Variants in ANO7 observed in about 807,000 individuals in gnomAD.
ANO7 encodes the protein anoctamin-7.
ANO7 carries 114 observed loss-of-function variants against 115.8 expected under a neutral mutation model. The ratio of observed to expected loss-of-function variants is 0.98; its 90% confidence interval spans 0.85 to 1.15. The LOEUF (loss-of-function observed/expected upper bound fraction) is 1.15. ANO7 is among the 50% of genes most tolerant of loss of function. The pLI is 0.00. For synonymous variants in ANO7, 550 were observed against 498.2 expected (o/e 1.10, Z -1.38); for missense variants, 1,302 against 1,201.2 (o/e 1.08, Z -1.24).
At chr2:241,229,535 G>T, downstream of ANO7, 1 of 1,208,810 alleles carries the variant, frequency 8.3e-7, no homozygotes, top group Non-Finnish European at 1.2e-6. Flanking sequence ...GGGTCAGATT[G>T]AGACAAACCA....
At chr2:241,226,158 C>T (rs1198173043), downstream of ANO7, among the ~76,000 whole-genome samples, 1 of 151,958 alleles carries the variant, frequency 6.6e-6, no homozygotes, top group Non-Finnish European at 1.5e-5. Flanking sequence ...CCCTGATGCC[C>T]ACATGCGCCC....
intron 7 of ANO7, 91 bp downstream of exon 7, chr2:241,201,446 T>C: frequency 7.0e-7 from 1 of 1,421,080 alleles, no homozygotes; most frequent in Non-Finnish European, 9.6e-7. Flanking sequence ...CAGAAAGGCC[T>C]GCTTGAGACC....
intron 18 of ANO7, among the ~76,000 whole-genome samples, chr2:241,215,516 G>A (rs1230363513): frequency 1.3e-5 from 2 of 152,258 alleles, no homozygotes; most frequent in Non-Finnish European, 2.9e-5. Flanking sequence ...GGGCCACCAG[G>A]AATAGCAGTT....
intron 7 of ANO7, 103 bp from the exon 8 acceptor site, chr2:241,202,091 G>T: frequency 1.1e-6 from 1 of 911,862 alleles, no homozygotes. Context: ...AGAAGGCTGA[G>T]GGAGGCCGTC....
At chr2:241,212,418 C>T (rs550261389) in intron 16 of ANO7, among the ~76,000 whole-genome samples, 154 bp from the exon 17 acceptor site, 1 of 152,306 alleles carries the variant, frequency 6.6e-6, no homozygotes, top group South Asian at 2.1e-4. Context: ...CTCGGGGGTC[C>T]ACAGGAGGCC....
Position 241,223,913 on chromosome 2 carries a change from TGGAACGAAC to T in ANO7, c.2547_2555del (p.Asn850_Thr852del). The stretch of plus-strand genomic sequence containing the variant: ...CCCTTTTTTGGGGACAGGTTCTTTT[TGGAACGAAC>T]GGAACAAAGGATGAGCAGCCCGAGG... On this transcript the variant is annotated inframe_deletion, in exon 24 of 25. Coordinates refer to ENST00000674324, the MANE Select transcript of ANO7 (RefSeq NM_001370694.2). The T allele has an allele frequency of 6.2e-7, 1 of 1,613,956 alleles. No homozygotes were observed. Among genetic ancestry groups the T allele is most frequent in the Non-Finnish European group, 8.5e-7 (1 of 1,180,004 alleles).
intron 21 of ANO7, among the ~76,000 whole-genome samples, chr2:241,219,880 G>T (rs750009197): frequency 5.3e-5 from 8 of 151,966 alleles, no homozygotes; most frequent in Non-Finnish European, 1.2e-4. Flanking sequence ...GCTAGCACAC[G>T]TTCTAAACTA....
Position 241,212,159 on chromosome 2 carries a change from G to C in ANO7, c.1627G>C (p.Val543Leu). ...FTLKVFIFQF[V>L]NFYSSPVYIA... ...CCTCAAGGTGTTCATCTTCCAGTTC[G>C]TCAACTTCTACTCCTCACCCGTCTA... The change falls in exon 16 of 25, where the codon GTC (valine) becomes CTC (leucine). Residue 543 changes from valine to leucine, a missense_variant. By Grantham distance (32) the Val-to-Leu change is conservative. Transcript: ENST00000674324. 1 of 1,614,122 alleles carries C rather than the reference G, an allele frequency of 6.2e-7. No homozygotes were observed. The highest frequency in any genetic ancestry group is 8.5e-7 in the Non-Finnish European group (1 of 1,180,004).
chr2:241,223,221 C>G lies in ANO7; in HGVS notation c.2357C>G (p.Ser786Cys). ...RAFRDDDGHYSQTYWNLLAIR... is the reference protein window; with the variant it reads ...RAFRDDDGHYCQTYWNLLAIR... ...TTCCGGGATGACGATGGACATTATT[C>G]CCAGACCTACTGGAATCTTCTTGCC... is the stretch of plus-strand genomic sequence containing the variant. The change falls in exon 22 of 25, where the codon TCC (serine) becomes TGC (cysteine). Residue 786 changes from serine to cysteine, a missense_variant. Coordinates refer to ENST00000674324, the MANE Select transcript of ANO7 (RefSeq NM_001370694.2). 1 of 1,614,210 alleles carries G rather than the reference C, an allele frequency of 6.2e-7. No individual in the cohort carries two copies. Among genetic ancestry groups the G allele is most frequent in the Non-Finnish European group, 8.5e-7 (1 of 1,180,022 alleles).
chr2:241,218,832 G>A (rs2068936400), intron 21 of ANO7, among the ~76,000 whole-genome samples: 1 of 152,194 alleles, frequency 6.6e-6, no homozygotes, highest in Non-Finnish European at 1.5e-5. Flanking sequence ...CGTGAGGAAC[G>A]TGACTGTGGG....
chr2:241,219,889 T>G (rs1364271642), intron 21 of ANO7, among the ~76,000 whole-genome samples: 1 of 152,166 alleles, frequency 6.6e-6, no homozygotes, highest in Admixed American at 6.6e-5. Context: ...CGTTCTAAAC[T>G]ATATATTATC....
At chr2:241,226,124 CCT>C (rs1559462293), downstream of ANO7, among the ~76,000 whole-genome samples, 2 of 151,902 alleles carry the variant, frequency 1.3e-5, no homozygotes, top group Non-Finnish European at 2.9e-5. Flanking sequence ...TGCGCCCTAC[CCT>C]GTGACCCTCT....
the ANO7 span, chr2:241,239,891 C>T: frequency 9.3e-6 from 15 of 1,613,386 alleles, no homozygotes; most frequent in East Asian, 2.2e-5. The surrounding 1 kb of genome is among the most constrained non-coding windows in gnomAD (Gnocchi z 4.6). Context: ...CGCCGAGGCC[C>T]GCTCCCTACC....
At chr2:241,201,778 C>T (rs1434297804) in intron 7 of ANO7, among the ~76,000 whole-genome samples, 1 of 152,210 alleles carries the variant, frequency 6.6e-6, no homozygotes, top group African/African-American at 2.4e-5. Flanking sequence ...CCCTGCTGAC[C>T]ACCACAGGGC....
intron 17 of ANO7, among the ~76,000 whole-genome samples, chr2:241,213,243 G>A (rs11693159): frequency 0.17 from 24,361 of 140,596 alleles, 2,583 homozygotes; most frequent in Middle Eastern, 0.27. Context: ...GCACACAGGG[G>A]TCGCAGGGGC....
chr2:241,235,267 G>C, the ANO7 span: 5 of 1,614,042 alleles, frequency 3.1e-6, no homozygotes, highest in African/African-American at 4.0e-5. Flanking sequence ...TACGTGAAGA[G>C]GGGGCTGACT....
Position 241,207,527 on chromosome 2 carries a change from G to GC in ANO7, c.981-41dup, listed in dbSNP as rs761157337. 27 of 1,545,244 alleles carry GC rather than the reference G, an allele frequency of 1.7e-5. No individual in the cohort carries two copies. The African/African-American group carries it at 2.8e-4, about 16-fold the overall frequency. ...GGCGCCTGGCTGGGAGGAGCAAGCA[G>GC]CCCCCCTCCCCCATTAGCTCCCACC... On this transcript the variant is annotated intron_variant, in intron 10 of 24. Transcript: ENST00000674324.
intron 4 of ANO7, 196 bp downstream of exon 4, chr2:241,196,041 A>G: frequency 6.9e-7 from 1 of 1,446,548 alleles, no homozygotes. Context: ...GGAGGTAAAC[A>G]TTGATCCCTC....
Position 241,217,708 on chromosome 2 carries a change from C to T in ANO7, c.1995C>T (p.Thr665=). 1 of 1,594,948 alleles carries T rather than the reference C, an allele frequency of 6.3e-7. No homozygotes were observed. Among genetic ancestry groups the T allele is most frequent in the South Asian group, 1.1e-5 (1 of 88,716 alleles). ...CAGTGCTGCAGTTCGGCTTCGTCACCATCTTCGTGGCCGCCTGTCCGCTCG... is the reference window on the plus strand; with the variant it reads ...CAGTGCTGCAGTTCGGCTTCGTCACTATCTTCGTGGCCGCCTGTCCGCTCG... ...LEMVLQFGFV[T]IFVAACPLAP... Residue 665 remains threonine (T), a synonymous_variant, in exon 20 of 25, where the codon ACC becomes ACT. Transcript: ENST00000674324.
Sources: allele counts gnomAD v4.1 joint callset (sites outside exome capture counted in the v4.1 genomes callset), GRCh38; gene constraint gnomAD v4.1.1; non-coding constraint Gnocchi (gnomAD v3.1); transcripts MANE v1.5; gene names NCBI Gene and HGNC (gene_info 2026-07-23, HGNC 2026-07-21).